Variants in GGT5 observed in about 807,000 individuals in gnomAD.
The protein encoded by GGT5 is gamma-glutamyltransferase 5.
A neutral mutation model predicts 58.1 loss-of-function variants in GGT5; 50 were observed. The observed-to-expected ratio is 0.86, with a 90% CI of 0.69 to 1.09. The LOEUF (loss-of-function observed/expected upper bound fraction) is 1.09, where lower values mean the gene tolerates loss of function less well. GGT5 is among the 50% of genes least tolerant of loss of function. The probability of loss-of-function intolerance (pLI) is 0.00; values close to 1 mark genes in which losing one functional copy is unlikely to be tolerated. For synonymous variants in GGT5, 370 were observed against 346.1 expected (o/e 1.07, Z -0.77); for missense variants, 800 against 789.4 (o/e 1.01, Z -0.16).
At position 24,219,834 on chromosome 22, in the gene GGT5, C is replaced by T; in HGVS notation, c.*136G>A. On this transcript the variant is annotated 3_prime_UTR_variant, in exon 12 of 12. Transcript: ENST00000327365. ...CTCTCATCTGCCCAGCTGGTCCCCG[C>T]CACCTCTTCCACTCTCAGCTGGACT... is the stretch of plus-strand genomic sequence containing the variant. 3 of 807,616 alleles carry T rather than the reference C, an allele frequency of 3.7e-6. No homozygotes were observed. In the African/African-American group the frequency reaches 5.2e-5, roughly 14 times the overall value. 50.0% of individuals were successfully genotyped at this position (807,616 alleles called of 1,614,324 possible).
At position 24,244,470 on chromosome 22, in the gene GGT5, TCACA is replaced by T. The variant is rs144289030; in HGVS notation, c.173+79_173+82del. Reference sequence around the variant, plus strand: ...CACACACACCCACACATACATTCACTCACACACACACACACACACACGCCTTCTC... The same window carrying T: ...CACACACACCCACACATACATTCACTCACACACACACACACACGCCTTCTC... On this transcript the variant is annotated intron_variant, in intron 1 of 11. Coordinates refer to ENST00000327365, the MANE Select transcript of GGT5 (RefSeq NM_004121.5). 0.016 allele frequency: 16,203 copies of T among 1,032,534 alleles called. 1,347 individuals are homozygous for T. The African/African-American group carries it at 0.22, about 14-fold the overall frequency. 64.0% of individuals were successfully genotyped at this position (1,032,534 alleles called of 1,614,324 possible). A position where few individuals can be genotyped will look rare whatever the true frequency, so the allele number is the denominator to read the frequency against.
intron 1 of GGT5, among the ~76,000 whole-genome samples, chr22:24,237,697 G>A (rs978729588): frequency 5.9e-5 from 9 of 151,880 alleles, no homozygotes; most frequent in East Asian, 1.9e-4. Context: ...GTGAGCCACC[G>A]CACCCGGCCT....
intron 6 of GGT5, among the ~76,000 whole-genome samples, chr22:24,228,101 C>T (rs1435442298): frequency 2.1e-5 from 3 of 142,266 alleles, no homozygotes; most frequent in African/African-American, 7.8e-5. Flanking sequence ...AAAAATAGAG[C>T]CAGGGAAAGG....
intron 1 of GGT5, 31 bp from the exon 2 acceptor site, chr22:24,234,035 G>A (rs759561052): frequency 1.3e-6 from 2 of 1,575,748 alleles, no homozygotes; most frequent in Admixed American, 3.7e-5. Context: ...TCGCTGTGGG[G>A]CTCCCCTCCC....
At chr22:24,224,848 T>C in intron 11 of GGT5, 148 bp downstream of exon 11, 1 of 625,434 alleles carries the variant, frequency 1.6e-6, no homozygotes. Flanking sequence ...GCCTCACCCA[T>C]CAAGGTCCCC....
intron 1 of GGT5, among the ~76,000 whole-genome samples, chr22:24,238,828 T>C (rs1481591398): frequency 2.7e-4 from 3 of 11,142 alleles, no homozygotes; most frequent in African/African-American, 1.6e-3. Context: ...TATATATATA[T>C]ATATTTATAT....
chr22:24,243,491 A>T (rs966697190), intron 1 of GGT5: 1 of 152,248 alleles, frequency 6.6e-6, no homozygotes, highest in Non-Finnish European at 1.5e-5. Context: ...ATGAATGAAA[A>T]GGTGAATGAA....
intron 11 of GGT5, among the ~76,000 whole-genome samples, chr22:24,224,699 C>T (rs2148889901): frequency 6.6e-6 from 1 of 152,278 alleles, no homozygotes; most frequent in South Asian, 2.1e-4. Context: ...AGGCCCCAGC[C>T]AGGAAAACTC....
At position 24,231,969 on chromosome 22, in the gene GGT5, G is replaced by T. The variant is rs2047955078; in HGVS notation, c.754+82C>A. The T allele has an allele frequency of 4.2e-6, 5 of 1,202,574 alleles. No individual in the cohort carries two copies. In the East Asian group the frequency reaches 9.5e-5, roughly 23 times the overall value. 74.5% of individuals were successfully genotyped at this position (1,202,574 alleles called of 1,614,324 possible). A position where few individuals can be genotyped will look rare whatever the true frequency, so the allele number is the denominator to read the frequency against. The stretch of plus-strand genomic sequence containing the variant: ...CCTGCACTCCCTCAGGGCCTGGGAA[G>T]GAGCCTGCCCTCAACCCCCAGTGCC... On this transcript the variant is annotated intron_variant, in intron 5 of 11. Transcript: ENST00000327365.
At chr22:24,234,136 T>C in intron 1 of GGT5, 132 bp from the exon 2 acceptor site, 1 of 793,652 alleles carries the variant, frequency 1.3e-6, no homozygotes, top group East Asian at 2.7e-5. Context: ...GCAGATTAGG[T>C]TGCAGAACAC....
In GGT5 at chr22:24,232,216, G is replaced by T; in HGVS notation, c.597-8C>A. 5.5e-6 allele frequency: 8 copies of T among 1,455,776 alleles called. No homozygotes were observed. Among genetic ancestry groups the T allele is most frequent in the South Asian group, 1.3e-5 (1 of 76,648 alleles). 90.2% of individuals were successfully genotyped at this position (1,455,776 alleles called of 1,614,324 possible). On this transcript the variant is annotated splice_polypyrimidine_tract_variant and splice_region_variant and intron_variant, in intron 4 of 11. Coordinates refer to ENST00000327365, the MANE Select transcript of GGT5 (RefSeq NM_004121.5). Reference sequence around the variant, plus strand: ...CCGTTGAAGAAGAGCTGGCTGGGGGGTGGGGGGAGCCTCAGGGTGGGGCCA... The same window carrying T: ...CCGTTGAAGAAGAGCTGGCTGGGGGTTGGGGGGAGCCTCAGGGTGGGGCCA...
At chr22:24,239,838 T>C (rs2048281144) in intron 1 of GGT5, among the ~76,000 whole-genome samples, 2 of 151,592 alleles carry the variant, frequency 1.3e-5, no homozygotes, top group Admixed American at 1.3e-4. Flanking sequence ...TCCCAACACT[T>C]TAGGACGCCG....
intron 4 of GGT5, 86 bp from the exon 5 acceptor site, chr22:24,232,294 G>A: frequency 1.4e-6 from 1 of 735,018 alleles, no homozygotes; most frequent in East Asian, 2.9e-5. Flanking sequence ...GAGTCCTCAG[G>A]ACCCTACAGT....
rs2048104524 is a variant in GGT5, at chr22:24,236,650, C to G, written c.174-2646G>C. Among the ~76,000 whole-genome samples the G allele has an allele frequency of 2.0e-5, 3 of 151,660 alleles. No homozygotes were observed. The South Asian group carries it at 6.2e-4, about 31-fold the overall frequency. ...TGGTGGCGGGTGCCTGTAGTCCCAG[C>G]TACTCAGGAGGCTGAGGCAGGAGAA... On this transcript the variant is annotated intron_variant, in intron 1 of 11. Transcript: ENST00000327365.
intron 6 of GGT5, among the ~76,000 whole-genome samples, chr22:24,230,838 T>A (rs1569361397): frequency 1.3e-5 from 2 of 152,174 alleles, no homozygotes; most frequent in Non-Finnish European, 2.9e-5. Context: ...GAGCCCCCAA[T>A]GGAATGCAGC....
chr22:24,226,750 C>G lies in GGT5; in HGVS notation c.919G>C (p.Glu307Gln), dbSNP rs992689883. The G allele has an allele frequency of 2.5e-6, 4 of 1,613,954 alleles. No individual in the cohort carries two copies. The highest frequency in any genetic ancestry group is 3.4e-6 in the Non-Finnish European group (4 of 1,179,998). The change falls in exon 7 of 12, where the codon GAG becomes CAG. Residue 307 changes from glutamate (E) to glutamine (Q), a missense_variant. Physicochemically the swap from Glu to Gln is conservative, Grantham distance 29 (BLOSUM62 2). Coordinates refer to ENST00000327365, the MANE Select transcript of GGT5 (RefSeq NM_004121.5). ...NVLRGFNFST[E>Q]SMARPEGRVN... The stretch of plus-strand genomic sequence containing the variant: ...CTCCCTTCAGGCCTGGCCATAGACT[C>G]TGTTGAGAAGTTGAACCCTGGAGAG...
intron 1 of GGT5, among the ~76,000 whole-genome samples, chr22:24,235,573 G>A (rs569838104): frequency 2.6e-5 from 4 of 152,192 alleles, no homozygotes; most frequent in African/African-American, 9.7e-5. Context: ...GCACACATGG[G>A]CACCACAGGG....
Position 24,236,392 on chromosome 22 carries a change from AC to A in GGT5, c.174-2389del, listed in dbSNP as rs374813168. 4.2e-4 allele frequency among the ~76,000 whole-genome samples: 64 copies of A among 151,642 alleles called. 1 individual carries two copies. The East Asian group carries it at 0.01, about 24-fold the overall frequency. Reference sequence around the variant, plus strand: ...TCCACCACACTGGTCCAAGCCACCAACCTCTCTCAGCTGGGTTATTGCAATG... The same window carrying A: ...TCCACCACACTGGTCCAAGCCACCAACTCTCTCAGCTGGGTTATTGCAATG... On this transcript the variant is annotated intron_variant, in intron 1 of 11. Coordinates refer to ENST00000327365, the MANE Select transcript of GGT5 (RefSeq NM_004121.5).
At chr22:24,244,506 G>GGGCT in intron 1 of GGT5, 47 bp downstream of exon 1, 1 of 1,521,108 alleles carries the variant, frequency 6.6e-7, no homozygotes, top group Middle Eastern at 2.4e-4. Flanking sequence ...TCTCCAGGAG[G>GGGCT]GGCTGGCTGC....
Sources: allele counts gnomAD v4.1 joint callset (sites outside exome capture counted in the v4.1 genomes callset), GRCh38; gene constraint gnomAD v4.1.1; transcripts MANE v1.5; gene names NCBI Gene and HGNC (gene_info 2026-07-23, HGNC 2026-07-21).